PLSCR2: variants seen among roughly 807,000 people sequenced by gnomAD.
The protein encoded by PLSCR2 is PL scramblase 2.
Under a neutral mutation model 25.3 loss-of-function variants are expected in PLSCR2, and 18 were observed. That is an observed-to-expected ratio of 0.71 (90% CI 0.49 to 1.06). The LOEUF (loss-of-function observed/expected upper bound fraction) is 1.06. Among genes scored for constraint, PLSCR2 ranks in the 50% least tolerant of loss-of-function variants. PLSCR2 has a pLI of 0.00. For synonymous variants in PLSCR2, 88 were observed against 87.3 expected, an observed-to-expected ratio of 1.01 and a Z score of -0.04; for missense variants, 243 against 269.5, an observed-to-expected ratio of 0.90 and a Z score of 0.69.
intron 1 of PLSCR2, among the ~76,000 whole-genome samples, chr3:146,492,750 GA>G (rs2043596409): frequency 1.3e-5 from 2 of 151,600 alleles, no homozygotes; most frequent in Admixed American, 1.3e-4. Flanking sequence ...TAAAAAAAAA[GA>G]AGAGGAAACC....
chr3:146,464,061 G>A (rs1357849037), upstream of PLSCR2: 1 of 749,222 alleles, frequency 1.3e-6, no homozygotes, highest in African/African-American at 1.9e-5. Context: ...AGAACAATCG[G>A]AATCCAGTTT....
At chr3:146,404,935 G>C (rs1413472369) in intron 2 of PLSCR2, among the ~76,000 whole-genome samples, 1 of 151,964 alleles carries the variant, frequency 6.6e-6, no homozygotes, top group East Asian at 1.9e-4. Flanking sequence ...TTGCATCCTG[G>C]ACATACTCAG....
intron 2 of PLSCR2, among the ~76,000 whole-genome samples, chr3:146,411,638 C>T (rs1311534713): frequency 6.6e-6 from 1 of 152,184 alleles, no homozygotes; most frequent in East Asian, 1.9e-4. Context: ...GAAAACGCCA[C>T]ACTTTGAGAT....
chr3:146,485,802 G>T (rs945992930), intron 1 of PLSCR2, among the ~76,000 whole-genome samples: 33 of 152,210 alleles, frequency 2.2e-4, no homozygotes, highest in African/African-American at 7.9e-4. Context: ...GTTCCATGTG[G>T]CTGGGGAAGC....
At chr3:146,395,371 G>A (rs2038239239) in intron 3 of PLSCR2, among the ~76,000 whole-genome samples, 1 of 152,228 alleles carries the variant, frequency 6.6e-6, no homozygotes, top group South Asian at 2.1e-4. Flanking sequence ...AAGAGATAGA[G>A]CTAAATCAAA....
intron 1 of PLSCR2, among the ~76,000 whole-genome samples, chr3:146,493,253 G>C (rs534974727): frequency 8.5e-5 from 13 of 152,208 alleles, no homozygotes; most frequent in Admixed American, 7.2e-4. Flanking sequence ...TGGAACTATT[G>C]CAAAAAATTG....
At chr3:146,495,030 A>T (rs2043696748) in intron 1 of PLSCR2, 1 of 152,248 alleles carries the variant, frequency 6.6e-6, no homozygotes, top group Admixed American at 6.5e-5. Flanking sequence ...GAATCCAGGT[A>T]TCCTAAAGAA....
chr3:146,454,497 C>G (rs994527965), intron 4 of PLSCR2, among the ~76,000 whole-genome samples: 1 of 152,066 alleles, frequency 6.6e-6, no homozygotes, highest in Non-Finnish European at 1.5e-5. Context: ...TAACTCTATG[C>G]CTTTATCTCT....
At chr3:146,410,686 C>T (rs539831486) in intron 2 of PLSCR2, among the ~76,000 whole-genome samples, 2 of 152,340 alleles carry the variant, frequency 1.3e-5, no homozygotes, top group East Asian at 1.9e-4. Context: ...CCTTAACAAC[C>T]ACTAAACAAG....
chr3:146,455,291 A>G (rs2041144397), exon 4 of PLSCR2: 2 of 1,614,106 alleles, frequency 1.2e-6, no homozygotes, highest in Admixed American at 1.7e-5. Flanking sequence ...TGGTCTTTCC[A>G]GAGTTATGAC....
intron 2 of PLSCR2, among the ~76,000 whole-genome samples, chr3:146,426,783 T>A (rs2039369371): frequency 6.6e-6 from 1 of 152,188 alleles, no homozygotes; most frequent in Non-Finnish European, 1.5e-5. Context: ...TTGCTAAAGT[T>A]GATATGAAAC....
chr3:146,494,807 G>C (rs918562313), intron 1 of PLSCR2: 1 of 152,070 alleles, frequency 6.6e-6, no homozygotes, highest in African/African-American at 2.4e-5. Flanking sequence ...AAATATATAG[G>C]TTTCTTAATT....
intron 2 of PLSCR2, among the ~76,000 whole-genome samples, chr3:146,424,468 T>C (rs115704620): frequency 0.048 from 7,349 of 152,218 alleles, 246 homozygotes; most frequent in Non-Finnish European, 0.079. Flanking sequence ...TTTTAGACTT[T>C]TGACCTCAGA....
chr3:146,421,194 T>C (rs1431600753), intron 2 of PLSCR2, among the ~76,000 whole-genome samples: 1 of 152,088 alleles, frequency 6.6e-6, no homozygotes, highest in Non-Finnish European at 1.5e-5. Context: ...ACTTTTTTAC[T>C]CTGCATCTAT....
upstream of PLSCR2, chr3:146,495,991 C>T (rs1047527889): frequency 4.3e-6 from 5 of 1,162,932 alleles, no homozygotes; most frequent in Non-Finnish European, 5.0e-6. Context: ...TGGGCAGATA[C>T]AAGCAACCAC....
At chr3:146,400,144 C>T (rs552086137) in intron 2 of PLSCR2, among the ~76,000 whole-genome samples, 1 of 151,678 alleles carries the variant, frequency 6.6e-6, no homozygotes, top group South Asian at 2.1e-4. Context: ...TACATACATT[C>T]ATAAATTTAT....
intron 2 of PLSCR2, among the ~76,000 whole-genome samples, chr3:146,409,049 G>C (rs2038754290): frequency 6.6e-6 from 1 of 152,210 alleles, no homozygotes; most frequent in Admixed American, 6.5e-5. Context: ...AGGTGGGCCA[G>C]TGAGTCCGGA....
chr3:146,423,156 T>C (rs1456265240), intron 2 of PLSCR2, among the ~76,000 whole-genome samples: 1 of 151,730 alleles, frequency 6.6e-6, no homozygotes, highest in East Asian at 1.9e-4. Context: ...TACATTCTTA[T>C]GTCCTTACAC....
At chr3:146,418,614 G>A (rs998320763) in intron 2 of PLSCR2, among the ~76,000 whole-genome samples, 67 of 152,130 alleles carry the variant, frequency 4.4e-4, no homozygotes, top group African/African-American at 1.4e-3. Context: ...TTGAGGACTT[G>A]AAATAATCCT....
Sources: gnomAD v4.1 joint callset for allele counts (sites outside exome capture counted in the v4.1 genomes callset) on GRCh38, gnomAD v4.1.1 for gene constraint, MANE v1.5 for transcripts, NCBI Gene and HGNC (gene_info 2026-07-23, HGNC 2026-07-21) for gene names.